Variants in PAXBP1 observed in about 807,000 individuals in gnomAD.
PAXBP1 encodes PAX3- and PAX7-binding protein 1.
PAXBP1 carries 44 observed loss-of-function variants against 119.9 expected under a neutral mutation model. The ratio of observed to expected loss-of-function variants is 0.37; its 90% CI spans 0.29 to 0.47. PAXBP1 has a LOEUF of 0.47. PAXBP1 is among the 20% of genes least tolerant of loss of function. PAXBP1 has a pLI of 0.99. For synonymous variants in PAXBP1, 393 were observed against 406.6 expected, an observed-to-expected ratio of 0.97 and a Z score of 0.40; for missense variants, 898 against 1,134.1, an observed-to-expected ratio of 0.79 and a Z score of 2.99.
intron 7 of PAXBP1, chr21:32,756,566 C>G (rs761071990): frequency 2.2e-5 from 7 of 313,704 alleles, no homozygotes; most frequent in Non-Finnish European, 3.0e-5. Flanking sequence ...TCCTTGATAG[C>G]TGAGTCCAGA....
chr21:32,762,386 G>A, intron 3 of PAXBP1, 69 bp from the exon 4 acceptor site: 2 of 1,519,674 alleles, frequency 1.3e-6, no homozygotes, highest in South Asian at 1.2e-5. Flanking sequence ...AAAATATGAA[G>A]GGTAAAATAA....
rs2044203633 is a variant in PAXBP1, at chr21:32,764,389, G to C, written c.608C>G (p.Ala203Gly). 1 of 1,613,754 alleles carries C rather than the reference G, an allele frequency of 6.2e-7. No individual in the cohort carries two copies. The highest frequency in any genetic ancestry group is 8.5e-7 in the Non-Finnish European group (1 of 1,179,854). ...KEEEKPKTGG[A>G]FSNALSSLNV... ...CAATGAAGATAAAGCATTTGAAAAA[G>C]CTCCACCAGTCTTTGGCTTTTCTTC... Residue 203 changes from alanine (A) to glycine (G), a missense_variant, in exon 3 of 18, where the codon GCT (alanine) becomes GGT (glycine). Physicochemically the swap from Ala to Gly is moderately conservative, Grantham distance 60 (BLOSUM62 0). Coordinates refer to ENST00000331923, the MANE Select transcript of PAXBP1 (RefSeq NM_016631.4).
chr21:32,738,467 T>C (rs916715969), intron 15 of PAXBP1, 148 bp from the exon 16 acceptor site: 1 of 645,672 alleles, frequency 1.5e-6, no homozygotes, highest in African/African-American at 1.9e-5. Context: ...GGTACAGATA[T>C]TTCCTAGAAT....
chr21:32,762,738 G>A (rs930696843), intron 3 of PAXBP1, among the ~76,000 whole-genome samples: 2 of 151,732 alleles, frequency 1.3e-5, no homozygotes, highest in African/African-American at 4.8e-5. Context: ...GGCCAACATG[G>A]TGAAACCCCA....
Position 32,734,817 on chromosome 21 carries a change from C to G in PAXBP1, c.*133G>C. On this transcript the variant is annotated 3_prime_UTR_variant, in exon 18 of 18. Coordinates refer to ENST00000331923, the MANE Select transcript of PAXBP1 (RefSeq NM_016631.4). ...ATTCTGAAGAAATATCATTTAAGGA[C>G]ACAGTATTGAATATAATGTTTTTTG... 1 of 692,264 alleles carries G rather than the reference C, an allele frequency of 1.4e-6. No individual in the cohort carries two copies. Among genetic ancestry groups the G allele is most frequent in the Non-Finnish European group, 2.6e-6 (1 of 390,488 alleles). 42.9% of individuals were successfully genotyped at this position (692,264 alleles called of 1,614,324 possible).
chr21:32,750,852 G>T, intron 10 of PAXBP1, 65 bp downstream of exon 10: 1 of 1,216,246 alleles, frequency 8.2e-7, no homozygotes, highest in Admixed American at 2.1e-5. Flanking sequence ...TCATTTCATG[G>T]TAAAAACCAT....
Position 32,762,160 on chromosome 21 carries a change from CTCA to C in PAXBP1, c.804_806del (p.Asp268del). The C allele has an allele frequency of 6.2e-7, 1 of 1,614,220 alleles. No homozygotes were observed. The highest frequency in any genetic ancestry group is 1.1e-5 in the South Asian group (1 of 91,082). ...TCACAGAAAAAACTATCCGGCGTTT[CTCA>C]TCGTCATCTTCATCATCACTGGCAT... On this transcript the variant is annotated inframe_deletion, in exon 4 of 18. Coordinates refer to ENST00000331923, the MANE Select transcript of PAXBP1 (RefSeq NM_016631.4).
chr21:32,733,961 T>C lies in PAXBP1; in HGVS notation c.*989A>G, dbSNP rs959883394. 4 of 152,626 alleles carry C rather than the reference T, an allele frequency of 2.6e-5. No homozygotes were observed. The highest frequency in any genetic ancestry group is 2.6e-4 in the Admixed American group (4 of 15,286). The allele number at this position is 152,626 out of a possible 1,614,324, so 9.5% of individuals were successfully genotyped here. The stretch of plus-strand genomic sequence containing the variant: ...AATTACATATATAATTATCAAACGA[T>C]AGTCCTTAATTTCCAAAAAAATTCC... On this transcript the variant is annotated 3_prime_UTR_variant, in exon 18 of 18. Coordinates refer to ENST00000331923, the MANE Select transcript of PAXBP1 (RefSeq NM_016631.4).
intron 8 of PAXBP1, among the ~76,000 whole-genome samples, chr21:32,752,884 G>A (rs2043978883): frequency 6.6e-6 from 1 of 151,964 alleles, no homozygotes; most frequent in Non-Finnish European, 1.5e-5. Context: ...AAAGTGCTGG[G>A]ATTACAGGCG....
Position 32,753,382 on chromosome 21 carries a change from C to T in PAXBP1, c.1507+1848G>A, listed in dbSNP as rs373847427. The stretch of plus-strand genomic sequence containing the variant: ...CGGAGGTGGCGGTGAGCCGAGATTG[C>T]GCCATTGCACTCCAGCCTGGGCAAC... On this transcript the variant is annotated intron_variant, in intron 8 of 17. Coordinates refer to ENST00000331923, the MANE Select transcript of PAXBP1 (RefSeq NM_016631.4). Among the ~76,000 whole-genome samples the T allele has an allele frequency of 1.4e-4, 21 of 145,926 alleles. 1 individual carries two copies. In the South Asian group the frequency reaches 2.4e-3, roughly 17 times the overall value.
In PAXBP1 at chr21:32,764,382, T is replaced by G. The variant is rs201479208; in HGVS notation, c.615A>C (p.Ser205=). The stretch of plus-strand genomic sequence containing the variant: ...GAACATTCAATGAAGATAAAGCATT[T>G]GAAAAAGCTCCACCAGTCTTTGGCT... ...EEKPKTGGAF[S]NALSSLNVLR... is the part of the protein sequence containing the mutation. Residue 205 remains serine (S), a synonymous_variant, in exon 3 of 18, where the codon TCA becomes TCC. Transcript: ENST00000331923. 1.9e-6 allele frequency: 3 copies of G among 1,613,892 alleles called. No individual in the cohort carries two copies. The highest frequency in any genetic ancestry group is 2.5e-6 in the Non-Finnish European group (3 of 1,179,886).
intron 2 of PAXBP1, among the ~76,000 whole-genome samples, chr21:32,766,647 G>T: frequency 6.6e-6 from 1 of 152,188 alleles, no homozygotes; most frequent in East Asian, 1.9e-4. Flanking sequence ...CAACTTTTGT[G>T]CCTTGACCCT....
intron 7 of PAXBP1, chr21:32,755,557 T>A: frequency 2.2e-6 from 1 of 451,818 alleles, no homozygotes; most frequent in East Asian, 3.9e-5. Flanking sequence ...AGAGCTATAA[T>A]GTCCAGTGCC....
At chr21:32,765,537 T>A (rs1208985107) in intron 2 of PAXBP1, among the ~76,000 whole-genome samples, 1 of 152,102 alleles carries the variant, frequency 6.6e-6, no homozygotes, top group Non-Finnish European at 1.5e-5. Flanking sequence ...ATGAAAGATA[T>A]TTTTCTGTCA....
chr21:32,755,301 C>T lies in PAXBP1; in HGVS notation c.1436G>A (p.Arg479Gln), dbSNP rs756462497. Residue 479 changes from arginine (R) to glutamine (Q), a missense_variant, in exon 8 of 18, where the codon CGA (arginine) becomes CAA (glutamine). Arg to Gln is a conservative substitution (Grantham distance 43). This residue lies in a region of PAXBP1 where 599 missense variants were observed against 852.7 expected (regional missense o/e 0.70). Transcript: ENST00000331923. ...TCGTCTTTGGACAAGGCGGGAAGCTCGCTGTTTGTACAGCTGATGTATTGC... is the reference window on the plus strand; with the variant it reads ...TCGTCTTTGGACAAGGCGGGAAGCTTGCTGTTTGTACAGCTGATGTATTGC... ...ESAIHQLYKQ[R>Q]ASRLVQRRQD... is the part of the protein sequence containing the mutation. 9 of 1,613,398 alleles carry T rather than the reference C, an allele frequency of 5.6e-6. No homozygotes were observed. Among genetic ancestry groups the T allele is most frequent in the South Asian group, 1.1e-5 (1 of 90,990 alleles).
In PAXBP1 at chr21:32,762,334, A is replaced by G. The variant is rs367620311; in HGVS notation, c.650-17T>C. ...GAATTTCTCCTAGAAACAAATGGTA[A>G]GAATATGGCAGTATGAGAGATGCAA... On this transcript the variant is annotated splice_polypyrimidine_tract_variant and intron_variant, in intron 3 of 17. Transcript: ENST00000331923. 46 of 1,606,278 alleles carry G rather than the reference A, an allele frequency of 2.9e-5. No individual in the cohort carries two copies. Among genetic ancestry groups the G allele is most frequent in the Non-Finnish European group, 3.7e-5 (44 of 1,175,514 alleles).
rs755307487 is a variant in PAXBP1 at position 32,764,370 on chromosome 21, A to T, written c.627T>A (p.Ser209=). The T allele has an allele frequency of 1.5e-5, 24 of 1,613,722 alleles. 1 individual carries two copies. The South Asian group carries it at 2.0e-4, about 13-fold the overall frequency. The part of the protein sequence containing the change: ...KTGGAFSNAL[S]SLNVLRPGEI... ...CACCTGGACGAAGAACATTCAATGA[A>T]GATAAAGCATTTGAAAAAGCTCCAC... is the stretch of plus-strand genomic sequence containing the variant. Residue 209 remains serine (S), a synonymous_variant, in exon 3 of 18, where the codon TCT becomes TCA. Transcript: ENST00000331923.
In PAXBP1 at chr21:32,743,315, C is replaced by T; in HGVS notation, c.2268-1G>A. 6.5e-7 allele frequency: 1 copy of T among 1,548,966 alleles called. No homozygotes were observed. Among genetic ancestry groups the T allele is most frequent in the Non-Finnish European group, 8.7e-7 (1 of 1,153,672 alleles). Reference sequence around the variant, plus strand: ...CCCAGAATTTTTATTTTCTAAGACACTAAGTAAAAAAAAGAGAAACATATC... The same window carrying T: ...CCCAGAATTTTTATTTTCTAAGACATTAAGTAAAAAAAAGAGAAACATATC... On this transcript the variant is annotated splice_acceptor_variant, in intron 14 of 17. Transcript: ENST00000331923. LOFTEE classifies it high-confidence loss of function.
chr21:32,771,626 C>T lies in PAXBP1; in HGVS notation c.43G>A (p.Asp15Asn), dbSNP rs1213427645. Reference sequence around the variant, plus strand: ...CGTTCCCGCTCTTCCTCTTCGGAGTCGTTCCGCTTGCGCACGTTCACCCGC... The same window carrying T: ...CGTTCCCGCTCTTCCTCTTCGGAGTTGTTCCGCTTGCGCACGTTCACCCGC... ...ARRVNVRKRN[D>N]SEEEERERDE... Residue 15 changes from aspartate (D) to asparagine (N), a missense_variant, in exon 1 of 18, where the codon GAC (aspartate) becomes AAC (asparagine). By Grantham distance (23) the Asp-to-Asn change is conservative. Coordinates refer to ENST00000331923, the MANE Select transcript of PAXBP1 (RefSeq NM_016631.4). 9 of 1,462,858 alleles carry T rather than the reference C, an allele frequency of 6.2e-6. No individual in the cohort carries two copies. The highest frequency in any genetic ancestry group is 8.1e-6 in the Non-Finnish European group (9 of 1,112,804). The allele number at this position is 1,462,858 out of a possible 1,614,324, so 90.6% of individuals were successfully genotyped here.
Sources: gnomAD v4.1 joint callset for allele counts (sites outside exome capture counted in the v4.1 genomes callset) on GRCh38, gnomAD v4.1.1 for gene constraint, gnomAD v4.1.1 regional missense constraint, MANE v1.5 for transcripts, NCBI Gene and HGNC (gene_info 2026-07-23, HGNC 2026-07-21) for gene names.